The following CSMD1 variants were observed in gnomAD, a reference collection of about 807,000 sequenced individuals.
The protein encoded by CSMD1 is CUB and sushi domain-containing protein 1.
A neutral mutation model predicts 417.5 loss-of-function variants in CSMD1; 213 were observed. That is an observed-to-expected ratio of 0.51 (90% CI 0.46 to 0.57). The LOEUF (loss-of-function observed/expected upper bound fraction) is 0.57, where lower values mean the gene tolerates loss of function less well. Among genes scored for constraint, CSMD1 ranks in the 20% least tolerant of loss-of-function variants. The pLI is 0.00. For synonymous variants in CSMD1, 2,862 were observed against 1,736.8 expected, an observed-to-expected ratio of 1.65 and a Z score of -16.11; for missense variants, 6,923 against 4,529.7, an observed-to-expected ratio of 1.53 and a Z score of -15.17.
chr8:4,129,048 C>T (rs1445020055), intron 3 of CSMD1, among the ~76,000 whole-genome samples: 4 of 125,538 alleles, frequency 3.2e-5, no homozygotes, highest in African/African-American at 9.0e-5. Flanking sequence ...TGCACTCCAG[C>T]GTGGTTACAG....
chr8:4,075,057 T>C (rs935430062), intron 3 of CSMD1, among the ~76,000 whole-genome samples: 3 of 152,156 alleles, frequency 2.0e-5, no homozygotes, highest in Non-Finnish European at 4.4e-5. Context: ...GAGTAAATAA[T>C]GCTCATACAG....
rs111411137 is a variant in CSMD1 at position 3,820,461 on chromosome 8, T to C, written c.819-66419A>G. Among the ~76,000 whole-genome samples the C allele has an allele frequency of 9.2e-3, 1,407 of 152,344 alleles. 31 individuals are homozygous for C. The highest frequency in any genetic ancestry group is 0.031 in the African/African-American group (1,282 of 41,578). The stretch of plus-strand genomic sequence containing the variant: ...ACAATCAATATCACTGTCTTCCAAC[T>C]TGATACCTTGTCCCACTGGAAGTTT... On this transcript the variant is annotated intron_variant, in intron 5 of 69. Coordinates refer to ENST00000635120, the MANE Select transcript of CSMD1 (RefSeq NM_033225.6).
At position 3,554,311 on chromosome 8, in the gene CSMD1, A is replaced by G. The variant is rs976951255; in HGVS notation, c.1344+20634T>C. ...TTAAATGGGTCCAGACCAGTTCAAC[A>G]TGAAGTCAGAAGAGTGAGAAATAAC... On this transcript the variant is annotated intron_variant, in intron 10 of 69. Transcript: ENST00000635120. Among the ~76,000 whole-genome samples, 13 of 152,368 alleles carry G rather than the reference A, an allele frequency of 8.5e-5. No homozygotes were observed. The East Asian group carries it at 1.5e-3, about 18-fold the overall frequency.
chr8:3,763,810 G>C (rs996445727), intron 5 of CSMD1, among the ~76,000 whole-genome samples: 1 of 152,168 alleles, frequency 6.6e-6, no homozygotes, highest in African/African-American at 2.4e-5. Flanking sequence ...CCAGGTCCCT[G>C]CATGCACACA....
chr8:4,742,171 C>T (rs1402268249), intron 1 of CSMD1, among the ~76,000 whole-genome samples: 2 of 151,234 alleles, frequency 1.3e-5, no homozygotes, highest in Non-Finnish European at 3.0e-5. Flanking sequence ...GCTGGGACTA[C>T]AGGCGCCCGC....
intron 1 of CSMD1, among the ~76,000 whole-genome samples, chr8:4,888,511 G>A (rs145244566): frequency 2.0e-5 from 3 of 151,828 alleles, no homozygotes; most frequent in Non-Finnish European, 2.9e-5. Context: ...AGATGAGAGA[G>A]AGAGAGAGAG....
intron 5 of CSMD1, among the ~76,000 whole-genome samples, chr8:3,951,039 G>A (rs1006117469): frequency 5.9e-5 from 9 of 152,164 alleles, no homozygotes; most frequent in South Asian, 2.1e-4. Flanking sequence ...ACTTTAGTGA[G>A]ATTTTTAAAG....
intron 1 of CSMD1, among the ~76,000 whole-genome samples, chr8:4,960,169 T>G (rs1311381683): frequency 1.3e-5 from 2 of 152,158 alleles, no homozygotes; most frequent in Non-Finnish European, 2.9e-5. Flanking sequence ...AAACTCTTTT[T>G]CAATATTTCT....
chr8:4,666,075 C>A (rs532999997), intron 1 of CSMD1, among the ~76,000 whole-genome samples: 1 of 152,270 alleles, frequency 6.6e-6, no homozygotes, highest in East Asian at 1.9e-4. Flanking sequence ...AGGACAATCT[C>A]ATTTTGCTTC....
At chr8:4,859,287 A>ACGTTAGAC (rs1343993043) in intron 1 of CSMD1, among the ~76,000 whole-genome samples, 1 of 152,118 alleles carries the variant, frequency 6.6e-6, no homozygotes, top group African/African-American at 2.4e-5. Flanking sequence ...AAAGACTTAA[A>ACGTTAGAC]CGTTAGACCT....
At chr8:3,029,861 T>G (rs1021853007) in intron 50 of CSMD1, among the ~76,000 whole-genome samples, 1 of 152,016 alleles carries the variant, frequency 6.6e-6, no homozygotes, top group African/African-American at 2.4e-5. Flanking sequence ...ACATATAATT[T>G]CCCTCAATAT....
intron 3 of CSMD1, among the ~76,000 whole-genome samples, chr8:4,343,766 C>T (rs1800621349): frequency 6.6e-6 from 1 of 152,026 alleles, no homozygotes; most frequent in Non-Finnish European, 1.5e-5. Flanking sequence ...TGGGGCTCAT[C>T]TTTCTCATCC....
At chr8:3,889,648 G>A (rs1158685940) in intron 5 of CSMD1, among the ~76,000 whole-genome samples, 2 of 151,146 alleles carry the variant, frequency 1.3e-5, no homozygotes, top group African/African-American at 4.8e-5. Flanking sequence ...CAAGATACTG[G>A]AAGTTGGTCC....
At chr8:4,113,914 G>T (rs1330845306) in intron 3 of CSMD1, among the ~76,000 whole-genome samples, 1 of 152,206 alleles carries the variant, frequency 6.6e-6, no homozygotes, top group African/African-American at 2.4e-5. Context: ...TCCGAAGCCA[G>T]CAGAGACTGG....
At chr8:3,016,287 T>C (rs1808823280) in intron 52 of CSMD1, among the ~76,000 whole-genome samples, 1 of 152,172 alleles carries the variant, frequency 6.6e-6, no homozygotes, top group South Asian at 2.1e-4. Context: ...CAGCCTCTGT[T>C]CCCTTCATCT....
intron 5 of CSMD1, among the ~76,000 whole-genome samples, chr8:3,863,083 G>C (rs918429282): frequency 6.6e-6 from 1 of 152,150 alleles, no homozygotes; most frequent in Non-Finnish European, 1.5e-5. Context: ...GGAGAGGCAA[G>C]AGAGATCCCT....
intron 3 of CSMD1, among the ~76,000 whole-genome samples, chr8:4,307,061 A>T (rs1798289303): frequency 6.6e-6 from 1 of 151,944 alleles, no homozygotes; most frequent in Non-Finnish European, 1.5e-5. Context: ...TATCCTCATC[A>T]CAACCCTGCT....
intron 6 of CSMD1, among the ~76,000 whole-genome samples, chr8:3,752,065 T>G (rs1383768571): frequency 7.9e-5 from 12 of 152,106 alleles, no homozygotes; most frequent in Admixed American, 7.9e-4. Context: ...TCTTCCTCAT[T>G]CAAACCCACC....
intron 3 of CSMD1, among the ~76,000 whole-genome samples, chr8:4,128,171 G>T (rs547430126): frequency 5.1e-4 from 78 of 151,996 alleles, no homozygotes; most frequent in South Asian, 2.5e-3. Context: ...ACTCTTGGTC[G>T]GGGACCCCTG....
Sources: allele counts gnomAD v4.1 joint callset (sites outside exome capture counted in the v4.1 genomes callset), GRCh38; gene constraint gnomAD v4.1.1; transcripts MANE v1.5; gene names NCBI Gene and HGNC (gene_info 2026-07-23, HGNC 2026-07-21).